The following RYR2 variants were observed in gnomAD, a reference collection of about 807,000 sequenced individuals.
The protein encoded by RYR2 is ryanodine receptor 2, also known as cardiac muscle ryanodine receptor-calcium release channel.
A neutral mutation model predicts 601.1 loss-of-function variants in RYR2; 227 were observed. The ratio of observed to expected loss-of-function variants is 0.38; its 90% confidence interval spans 0.34 to 0.42. The LOEUF (loss-of-function observed/expected upper bound fraction) is 0.42, where lower values mean the gene tolerates loss of function less well. Among genes scored for constraint, RYR2 ranks in the 10% least tolerant of loss-of-function variants. The probability of loss-of-function intolerance (pLI) is 1.00; values close to 1 mark genes in which losing one functional copy is unlikely to be tolerated. For synonymous variants in RYR2, 2,223 were observed against 2,175.1 expected, an observed-to-expected ratio of 1.02 and a Z score of -0.61; for missense variants, 4,646 against 6,156.5, an observed-to-expected ratio of 0.75 and a Z score of 8.21.
chr1:237,524,893 T>C (rs1173295161), intron 24 of RYR2, among the ~76,000 whole-genome samples: 1 of 152,178 alleles, frequency 6.6e-6, no homozygotes, highest in Non-Finnish European at 1.5e-5. Flanking sequence ...TCTGATTTAC[T>C]TAAAGTGCAC....
In RYR2 at chr1:237,705,326, C is replaced by T; in HGVS notation, c.9563C>T (p.Ser3188Phe). ...ATTTACTCCATCTACAATACCAAGTCTTCACGAGAAAGAGCAGGTAACACA... is the reference window on the plus strand; with the variant it reads ...ATTTACTCCATCTACAATACCAAGTTTTCACGAGAAAGAGCAGGTAACACA... Reference protein sequence around the residue: ...HNIYSIYNTKSSRERAALSLP... With the variant: ...HNIYSIYNTKFSRERAALSLP... Residue 3188 changes from serine (S) to phenylalanine (F), a missense_variant, in exon 67 of 105, where the codon TCT becomes TTT. Around this residue, in one of 17 missense-constraint regions of RYR2, gnomAD observed 1,497 missense variants for 1,842.6 expected, o/e 0.81. Coordinates refer to ENST00000366574, the MANE Select transcript of RYR2 (RefSeq NM_001035.3). 1 of 1,605,174 alleles carries T rather than the reference C, an allele frequency of 6.2e-7. No individual in the cohort carries two copies. The highest frequency in any genetic ancestry group is 8.5e-7 in the Non-Finnish European group (1 of 1,175,110).
intron 103 of RYR2, among the ~76,000 whole-genome samples, chr1:237,831,219 A>G (rs1663748855): frequency 6.6e-6 from 1 of 152,162 alleles, no homozygotes; most frequent in East Asian, 1.9e-4. Flanking sequence ...TTGATCAGTA[A>G]ATTACAACTT....
rs571230636 is a variant in RYR2, at chr1:237,711,687, C to G, written c.10231-58C>G. On this transcript the variant is annotated intron_variant, in intron 70 of 104. Transcript: ENST00000366574. ...AAAACTTGCAGGTTCTGTGTAACCT[C>G]TAATTACAAAGACTTCTTTAAGTGG... The G allele has an allele frequency of 1.6e-4, 135 of 828,180 alleles. 1 individual carries two copies. Among genetic ancestry groups the G allele is most frequent in the African/African-American group, 1.6e-3 (92 of 59,128 alleles). The allele number at this position is 828,180 out of a possible 1,614,324, so 51.3% of individuals were successfully genotyped here.
rs2618702 is a variant in RYR2, at chr1:237,506,840, A to G, written c.2718+26A>G. On this transcript the variant is annotated intron_variant, in intron 23 of 104. Coordinates refer to ENST00000366574, the MANE Select transcript of RYR2 (RefSeq NM_001035.3). Reference sequence around the variant, plus strand: ...GTATGTAATTTTGAAATTTATTTTCAGATTCTGTGAATACATCTTTCTGAA... The same window carrying G: ...GTATGTAATTTTGAAATTTATTTTCGGATTCTGTGAATACATCTTTCTGAA... 0.67 allele frequency: 1,054,404 copies of G among 1,571,510 alleles called. 355,578 individuals are homozygous for G. The highest frequency in any genetic ancestry group is 0.84 in the African/African-American group (62,170 of 74,204).
intron 84 of RYR2, among the ~76,000 whole-genome samples, chr1:237,769,858 C>T (rs1013079908): frequency 2.0e-5 from 3 of 151,044 alleles, no homozygotes; most frequent in African/African-American, 4.9e-5. Flanking sequence ...GTTTTTTTTC[C>T]CCCCACGGAC....
chr1:237,707,389 T>A, intron 68 of RYR2, 120 bp downstream of exon 68: 1 of 550,278 alleles, frequency 1.8e-6, no homozygotes, highest in Non-Finnish European at 3.0e-6. Flanking sequence ...TACTCAAAAA[T>A]ATTAGTATTT....
chr1:237,225,488 ACTCG>A (rs1684263422), intron 1 of RYR2, among the ~76,000 whole-genome samples: 1 of 152,130 alleles, frequency 6.6e-6, no homozygotes, highest in Non-Finnish European at 1.5e-5. Flanking sequence ...TGTGAGACTT[ACTCG>A]CTACCATGAG....
At chr1:237,208,946 A>ATGTGTG (rs1553342440) in intron 1 of RYR2, among the ~76,000 whole-genome samples, 1 of 49,740 alleles carries the variant, frequency 2.0e-5, no homozygotes, top group East Asian at 5.5e-4. Context: ...GTATATATAT[A>ATGTGTG]TATATATATA....
At chr1:237,119,443 C>T (rs775719960) in intron 1 of RYR2, among the ~76,000 whole-genome samples, 20 of 152,028 alleles carry the variant, frequency 1.3e-4, no homozygotes, top group Non-Finnish European at 2.6e-4. Context: ...CGTGTGTGTG[C>T]GTATGCTCTC....
Position 237,533,626 on chromosome 1 carries a change from A to G in RYR2, c.2906+3116A>G, listed in dbSNP as rs1184911373. ...CTAAAAAATAATAAGGGTGTAAAAA[A>G]CATTCTACAAGGGTGATGCAATGTA... On this transcript the variant is annotated intron_variant, in intron 25 of 104. Coordinates refer to ENST00000366574, the MANE Select transcript of RYR2 (RefSeq NM_001035.3). Among the ~76,000 whole-genome samples the G allele has an allele frequency of 2.0e-5, 3 of 152,194 alleles. No individual in the cohort carries two copies. In the South Asian group the frequency reaches 6.2e-4, roughly 31 times the overall value.
intron 1 of RYR2, among the ~76,000 whole-genome samples, chr1:237,168,636 A>T (rs563526887): frequency 6.6e-6 from 1 of 152,278 alleles, no homozygotes; most frequent in South Asian, 2.1e-4. Flanking sequence ...TTTTGGTGAC[A>T]AAAGTTTTCT....
At chr1:237,779,378 A>C (rs1694916151) in intron 88 of RYR2, among the ~76,000 whole-genome samples, 1 of 152,242 alleles carries the variant, frequency 6.6e-6, no homozygotes, top group Non-Finnish European at 1.5e-5. Context: ...TTGAAACAAA[A>C]AGATACACAA....
chr1:237,292,803 A>C (rs1262575080), intron 2 of RYR2, among the ~76,000 whole-genome samples: 2 of 152,108 alleles, frequency 1.3e-5, no homozygotes, highest in African/African-American at 4.8e-5. Context: ...ATGAATAGGA[A>C]TGTTGGAGAA....
chr1:237,195,587 A>C (rs1407617792), intron 1 of RYR2, among the ~76,000 whole-genome samples: 1 of 152,178 alleles, frequency 6.6e-6, no homozygotes, highest in African/African-American at 2.4e-5. Context: ...TTTTCTATAC[A>C]TTCATTAGGA....
chr1:237,475,771 T>C (rs1008004675), intron 17 of RYR2, among the ~76,000 whole-genome samples: 3 of 152,350 alleles, frequency 2.0e-5, no homozygotes, highest in African/African-American at 7.2e-5. Flanking sequence ...AAAGCACCAG[T>C]GACACCAGTC....
At chr1:237,725,545 G>A (rs1690123288) in intron 74 of RYR2, among the ~76,000 whole-genome samples, 1 of 152,048 alleles carries the variant, frequency 6.6e-6, no homozygotes. Context: ...ATGAGAGTAG[G>A]TTATCTCCAT....
At chr1:237,296,661 G>A (rs568766793) in intron 2 of RYR2, among the ~76,000 whole-genome samples, 1 of 152,114 alleles carries the variant, frequency 6.6e-6, no homozygotes, top group Non-Finnish European at 1.5e-5. Flanking sequence ...GTCAGGGCTG[G>A]TGACATAGAT....
intron 10 of RYR2, among the ~76,000 whole-genome samples, chr1:237,397,330 G>A (rs577481359): frequency 1.4e-3 from 218 of 152,222 alleles, no homozygotes; most frequent in South Asian, 6.0e-3. Flanking sequence ...ATTCTAAGCC[G>A]ATATGAGTGA....
intron 96 of RYR2, among the ~76,000 whole-genome samples, chr1:237,795,846 A>ATATATATATATATG (rs1436262969): frequency 1.7e-5 from 2 of 116,874 alleles, no homozygotes; most frequent in African/African-American, 8.1e-5. Flanking sequence ...GTATATATAT[A>ATATATATATATATG]TATGTATATG....
Sources: allele counts gnomAD v4.1 joint callset (sites outside exome capture counted in the v4.1 genomes callset), GRCh38; gene constraint gnomAD v4.1.1; regional missense constraint gnomAD v4.1.1; transcripts MANE v1.5; gene names NCBI Gene and HGNC (gene_info 2026-07-23, HGNC 2026-07-21).